KIAA0319L: variants seen among roughly 807,000 people sequenced by gnomAD.
KIAA0319L encodes the protein KIAA0319 like, also known as dyslexia-associated protein KIAA0319-like protein.
Under a neutral mutation model 120.1 loss-of-function variants are expected in KIAA0319L, and 55 were observed. The observed-to-expected ratio is 0.46, with a 90% CI of 0.37 to 0.57. The LOEUF (loss-of-function observed/expected upper bound fraction) is 0.57, where lower values mean the gene tolerates loss of function less well. Among genes scored for constraint, KIAA0319L ranks in the 20% least tolerant of loss-of-function variants. KIAA0319L has a pLI of 0.00. For missense variants in KIAA0319L, 1,049 were observed against 1,255.3 expected (o/e 0.84, Z 2.48); for synonymous variants, 398 against 471.9 (o/e 0.84, Z 2.03).
At chr1:35,545,002 G>A (rs1646928947) in intron 2 of KIAA0319L, among the ~76,000 whole-genome samples, 1 of 152,200 alleles carries the variant, frequency 6.6e-6, no homozygotes, top group East Asian at 1.9e-4. Flanking sequence ...CTGAGCCCAG[G>A]AAGCGGAGAT....
intron 2 of KIAA0319L, among the ~76,000 whole-genome samples, chr1:35,517,127 A>G (rs879048297): frequency 6.6e-6 from 1 of 152,182 alleles, no homozygotes; most frequent in Non-Finnish European, 1.5e-5. Context: ...TAAAATGGTC[A>G]TACTACCCAA....
At chr1:35,452,774 C>T (rs1447541130) in intron 12 of KIAA0319L, among the ~76,000 whole-genome samples, 1 of 152,138 alleles carries the variant, frequency 6.6e-6, no homozygotes, top group African/African-American at 2.4e-5. Flanking sequence ...AAAAGCAAGT[C>T]ATTTGTATAG....
At chr1:35,480,318 G>T (rs1644109880) in intron 3 of KIAA0319L, among the ~76,000 whole-genome samples, 1 of 152,144 alleles carries the variant, frequency 6.6e-6, no homozygotes, top group Admixed American at 6.5e-5. Context: ...GCAATTTAAG[G>T]GTTGTATGCA....
chr1:35,468,251 T>G (rs1643401148), intron 6 of KIAA0319L, among the ~76,000 whole-genome samples: 1 of 152,122 alleles, frequency 6.6e-6, no homozygotes, highest in African/African-American at 2.4e-5. Context: ...ACTCTTCTTC[T>G]TGGCTTTTAC....
chr1:35,533,089 G>C (rs531744681), intron 2 of KIAA0319L: 2 of 152,336 alleles, frequency 1.3e-5, no homozygotes, highest in East Asian at 3.9e-4. Context: ...ATTATTGCCA[G>C]AAGGAAATTC....
At chr1:35,471,974 T>C (rs959348677) in intron 5 of KIAA0319L, among the ~76,000 whole-genome samples, 3 of 152,178 alleles carry the variant, frequency 2.0e-5, no homozygotes, top group South Asian at 2.1e-4. Flanking sequence ...CTCACAAACG[T>C]ATATAGTATG....
intron 4 of KIAA0319L, among the ~76,000 whole-genome samples, 190 bp downstream of exon 4, chr1:35,478,776 A>G (rs547332269): frequency 2.6e-4 from 40 of 152,330 alleles, no homozygotes; most frequent in East Asian, 1.3e-3. Context: ...GTAAATTTCC[A>G]TAAGCTGGAG....
chr1:35,463,287 C>T (rs1400093091), intron 7 of KIAA0319L, among the ~76,000 whole-genome samples: 3 of 152,186 alleles, frequency 2.0e-5, no homozygotes, highest in Admixed American at 6.5e-5. Flanking sequence ...TTCCTAAGAC[C>T]ATGCCCTGTG....
At chr1:35,504,266 C>T (rs570610726) in intron 3 of KIAA0319L, among the ~76,000 whole-genome samples, 6 of 151,538 alleles carry the variant, frequency 4.0e-5, no homozygotes, top group Non-Finnish European at 7.4e-5. Context: ...GCGCAATCTT[C>T]GCTCACTGCA....
Position 35,450,277 on chromosome 1 carries a change from C to T in KIAA0319L, c.2214+81G>A, listed in dbSNP as rs909739309. ...AATCTGGGTTTGATATAAGGGACCA[C>T]TTGATTAAAGCATATACTGGAACGC... On this transcript the variant is annotated intron_variant, in intron 14 of 20. Transcript: ENST00000325722. 9.8e-6 allele frequency: 14 copies of T among 1,431,724 alleles called. No individual in the cohort carries two copies. The African/African-American group carries it at 1.1e-4, about 12-fold the overall frequency. The allele number at this position is 1,431,724 out of a possible 1,614,324, so 88.7% of individuals were successfully genotyped here. A position where few individuals can be genotyped will look rare whatever the true frequency, so the allele number is the denominator to read the frequency against.
intron 4 of KIAA0319L, among the ~76,000 whole-genome samples, chr1:35,477,570 G>T (rs1643948395): frequency 6.6e-6 from 1 of 151,676 alleles, no homozygotes; most frequent in African/African-American, 2.4e-5. Context: ...GGGAGGCTGA[G>T]GCAGGAGAAT....
In KIAA0319L at chr1:35,484,789, TATATATATATATA is replaced by T. The variant is rs1345911971; in HGVS notation, c.667-5590_667-5578del. ...AATCATATATATATATATATATATA[TATATATATATATA>T]TATATTTTTTTTTTTATTATACTCT... On this transcript the variant is annotated intron_variant, in intron 3 of 20. Transcript: ENST00000325722. 3.5e-3 allele frequency among the ~76,000 whole-genome samples: 234 copies of T among 67,662 alleles called. 4 individuals carry two copies. Among genetic ancestry groups the T allele is most frequent in the East Asian group, 0.02 (65 of 3,330 alleles). The allele number at this position is 67,662 out of a possible 152,430, so 44.4% of individuals were successfully genotyped here. A position where few individuals can be genotyped will look rare whatever the true frequency, so the allele number is the denominator to read the frequency against.
intron 15 of KIAA0319L, among the ~76,000 whole-genome samples, chr1:35,449,064 T>C (rs995508858): frequency 1.3e-5 from 2 of 152,242 alleles, no homozygotes; most frequent in Non-Finnish European, 2.9e-5. Context: ...GCATAATTAG[T>C]AGACTATCTG....
intron 19 of KIAA0319L, 143 bp from the exon 20 acceptor site, chr1:35,441,281 G>A (rs1377822494): frequency 1.4e-6 from 1 of 707,012 alleles, no homozygotes; most frequent in African/African-American, 1.8e-5. Context: ...AGCCAGGAAA[G>A]GTGGCAACTG....
At chr1:35,515,282 A>T (rs1475179396) in intron 2 of KIAA0319L, among the ~76,000 whole-genome samples, 1 of 151,486 alleles carries the variant, frequency 6.6e-6, no homozygotes, top group Admixed American at 6.6e-5. Context: ...ATTGCACTCC[A>T]GCCTGGACAA....
rs539332530 is a variant in KIAA0319L at position 35,478,989 on chromosome 1, T to C, written c.890A>G (p.Gln297Arg). The C allele has an allele frequency of 8.7e-6, 14 of 1,614,140 alleles. No individual in the cohort carries two copies. The South Asian group carries it at 1.3e-4, about 15-fold the overall frequency. ...YATPTPQASF[Q>R]STSAPYPVIK... ...ACCTGGGTATGGTGCTGAGGTGCTCTGGAAAGAGGCCTGGGGGGTAGGGGT... is the reference window on the plus strand; with the variant it reads ...ACCTGGGTATGGTGCTGAGGTGCTCCGGAAAGAGGCCTGGGGGGTAGGGGT... The change falls in exon 4 of 21, where the codon CAG (glutamine) becomes CGG (arginine). Residue 297 changes from glutamine (Q) to arginine (R), a missense_variant. Physicochemically the swap from Gln to Arg is conservative, Grantham distance 43. Transcript: ENST00000325722.
At chr1:35,527,552 CTT>C (rs957630316) in intron 2 of KIAA0319L, among the ~76,000 whole-genome samples, 3 of 152,206 alleles carry the variant, frequency 2.0e-5, no homozygotes, top group African/African-American at 7.2e-5. Context: ...GGTTGAGAGA[CTT>C]TTTATTATTG....
intron 3 of KIAA0319L, among the ~76,000 whole-genome samples, chr1:35,496,723 C>G (rs1044031042): frequency 2.6e-5 from 4 of 152,030 alleles, no homozygotes; most frequent in African/African-American, 9.7e-5. Flanking sequence ...GTGGGCAGAT[C>G]ACCTGAGGTC....
intron 2 of KIAA0319L, among the ~76,000 whole-genome samples, chr1:35,516,064 C>A (rs1218542122): frequency 6.6e-6 from 1 of 152,046 alleles, no homozygotes; most frequent in Non-Finnish European, 1.5e-5. Context: ...AATAAATAGC[C>A]TACCAACCAA....
Sources: allele counts gnomAD v4.1 joint callset (sites outside exome capture counted in the v4.1 genomes callset), GRCh38; gene constraint gnomAD v4.1.1; transcripts MANE v1.5; gene names NCBI Gene and HGNC (gene_info 2026-07-23, HGNC 2026-07-21).